ADAMTSL3: variants seen among roughly 807,000 people sequenced by gnomAD.
ADAMTSL3 encodes ADAMTS like 3.
ADAMTSL3 carries 128 observed loss-of-function variants against 201.7 expected under a neutral mutation model. The observed-to-expected ratio is 0.63, with a 90% CI of 0.55 to 0.73. The LOEUF (loss-of-function observed/expected upper bound fraction) is 0.73, where lower values mean the gene tolerates loss of function less well. ADAMTSL3 is among the 30% of genes least tolerant of loss of function. ADAMTSL3 has a pLI of 0.00. For missense variants in ADAMTSL3, 1,990 were observed against 2,119.6 expected (o/e 0.94, Z 1.20); for synonymous variants, 738 against 748.4 (o/e 0.99, Z 0.23).
intron 4 of ADAMTSL3, among the ~76,000 whole-genome samples, chr15:83,789,424 G>A (rs751952528): frequency 3.3e-5 from 5 of 150,414 alleles, no homozygotes; most frequent in South Asian, 4.2e-4. Flanking sequence ...CCAAATTGCT[G>A]TTTTCTTTTA....
At chr15:83,692,350 A>G (rs1596034968) in intron 2 of ADAMTSL3, among the ~76,000 whole-genome samples, 1 of 151,882 alleles carries the variant, frequency 6.6e-6, no homozygotes, top group Non-Finnish European at 1.5e-5. Context: ...GAACAAAGAC[A>G]CCCTGACTCT....
chr15:83,695,812 G>C (rs1327486491), intron 2 of ADAMTSL3, among the ~76,000 whole-genome samples: 1 of 152,088 alleles, frequency 6.6e-6, no homozygotes, highest in Admixed American at 6.6e-5. Context: ...ACTTAAGACT[G>C]AAAAGTCTCA....
intron 7 of ADAMTSL3, among the ~76,000 whole-genome samples, chr15:83,839,605 C>G (rs868863266): frequency 6.6e-6 from 1 of 152,228 alleles, no homozygotes; most frequent in Middle Eastern, 3.4e-3. Flanking sequence ...AAGTGTCTTT[C>G]AAGCTATTCA....
rs1305905495 is a variant in ADAMTSL3, at chr15:83,801,676, ATATATATATATATATATATG to A, written c.318-2970_318-2951del. On this transcript the variant is annotated intron_variant, in intron 4 of 29. Transcript: ENST00000286744. ...AATATATATATATATATATATATAT[ATATATATATATATATATATG>A]TATGTATGAGGAAATCATAGATGGA... Among the ~76,000 whole-genome samples the A allele has an allele frequency of 7.8e-5, 6 of 77,092 alleles. 1 individual carries two copies. Among genetic ancestry groups the A allele is most frequent in the Admixed American group, 2.9e-4 (2 of 6,888 alleles). 50.6% of individuals were successfully genotyped at this position (77,092 alleles called of 152,430 possible). A position where few individuals can be genotyped will look rare whatever the true frequency, so the allele number is the denominator to read the frequency against.
chr15:83,760,594 C>T (rs1247317261), intron 3 of ADAMTSL3, among the ~76,000 whole-genome samples: 1 of 151,968 alleles, frequency 6.6e-6, no homozygotes, highest in East Asian at 1.9e-4. Flanking sequence ...GTTAAAACCT[C>T]CCACCATCAT....
At chr15:83,809,869 T>C (rs531419417) in intron 5 of ADAMTSL3, among the ~76,000 whole-genome samples, 32 of 152,284 alleles carry the variant, frequency 2.1e-4, no homozygotes, top group Middle Eastern at 3.4e-3. Context: ...TCTGTCTTTC[T>C]CCCTTCTCTG....
Position 83,983,179 on chromosome 15 carries a change from A to G in ADAMTSL3, c.3551A>G (p.Gln1184Arg). 2 of 1,613,868 alleles carry G rather than the reference A, an allele frequency of 1.2e-6. No homozygotes were observed. Among genetic ancestry groups the G allele is most frequent in the Non-Finnish European group, 1.7e-6 (2 of 1,179,976 alleles). ...GGACCTGTTCTCATGAGGCAAAGCC[A>G]ACCTCCCTCAATTTCATTTAATAAA... is the stretch of plus-strand genomic sequence containing the variant. ...PKGPVLMRQSQPPSISFNKTI... is the reference protein window; with the variant it reads ...PKGPVLMRQSRPPSISFNKTI... Residue 1184 changes from glutamine (Q) to arginine (R), a missense_variant, in exon 21 of 30, where the codon CAA becomes CGA. Physicochemically the swap from Gln to Arg is conservative, Grantham distance 43. Coordinates refer to ENST00000286744, the MANE Select transcript of ADAMTSL3 (RefSeq NM_207517.3).
rs1485545857 is a variant in ADAMTSL3, at chr15:84,021,586, C to T, written c.4450C>T (p.Pro1484Ser). 1.2e-6 allele frequency: 2 copies of T among 1,613,460 alleles called. No homozygotes were observed. Among genetic ancestry groups the T allele is most frequent in the East Asian group, 4.5e-5 (2 of 44,880 alleles). The change falls in exon 26 of 30, where the codon CCA becomes TCA. Residue 1484 changes from proline to serine, a missense_variant. Transcript: ENST00000286744. Reference protein sequence around the residue: ...GFEPCNIRDCPARWFTSVWSQ... With the variant: ...GFEPCNIRDCSARWFTSVWSQ... ...TGAGCCCTGTAACATCCGGGACTGC[C>T]CAGCGAGGTAAGTGAAGTCACTCTT... is the stretch of plus-strand genomic sequence containing the variant.
intron 14 of ADAMTSL3, among the ~76,000 whole-genome samples, chr15:83,898,573 C>T (rs190987343): frequency 9.3e-4 from 142 of 152,100 alleles, no homozygotes; most frequent in Non-Finnish European, 1.9e-3. Context: ...CATTTATAAT[C>T]TCTCCAGTAG....
At chr15:83,991,337 A>G in intron 23 of ADAMTSL3, 123 bp downstream of exon 23, 1 of 1,434,646 alleles carries the variant, frequency 7.0e-7, no homozygotes, top group Non-Finnish European at 9.5e-7. Context: ...AGGCTTAAAA[A>G]AAAGATTTTC....
At chr15:83,742,885 A>G (rs1277052573) in intron 3 of ADAMTSL3, among the ~76,000 whole-genome samples, 2 of 152,136 alleles carry the variant, frequency 1.3e-5, no homozygotes, top group East Asian at 1.9e-4. Context: ...AACACTGTCT[A>G]TATATTATAA....
At chr15:83,918,605 A>G (rs1233592897) in intron 16 of ADAMTSL3, among the ~76,000 whole-genome samples, 1 of 152,166 alleles carries the variant, frequency 6.6e-6, no homozygotes. Context: ...CAGGAATGGA[A>G]GAAGCCAGGC....
chr15:83,990,967 G>A (rs1358491201), intron 22 of ADAMTSL3, 119 bp from the exon 23 acceptor site: 2 of 1,439,186 alleles, frequency 1.4e-6, no homozygotes, highest in Non-Finnish European at 1.9e-6. Context: ...GGGATACAGA[G>A]AGAACCAGGA....
At chr15:83,735,590 G>GA (rs2062357511) in intron 3 of ADAMTSL3, among the ~76,000 whole-genome samples, 1 of 151,876 alleles carries the variant, frequency 6.6e-6, no homozygotes, top group Non-Finnish European at 1.5e-5. Context: ...CATCTTGGGG[G>GA]ATCAGTGGGT....
intron 15 of ADAMTSL3, 98 bp downstream of exon 15, chr15:83,899,829 A>G: frequency 6.9e-7 from 1 of 1,439,338 alleles, no homozygotes; most frequent in Non-Finnish European, 9.3e-7. Context: ...TACATTTAAT[A>G]TCCAAATGAC....
intron 8 of ADAMTSL3, among the ~76,000 whole-genome samples, chr15:83,860,518 A>G (rs1248810819): frequency 6.6e-6 from 1 of 152,216 alleles, no homozygotes; most frequent in East Asian, 1.9e-4. Flanking sequence ...TATGGCATGC[A>G]AAGTATATAT....
intron 15 of ADAMTSL3, among the ~76,000 whole-genome samples, chr15:83,909,408 C>T (rs534333545): frequency 5.9e-5 from 9 of 152,192 alleles, no homozygotes; most frequent in Non-Finnish European, 7.4e-5. Context: ...ATTTCAGTCA[C>T]TTTTTTCATA....
At chr15:83,806,857 A>T (rs1461383091) in intron 5 of ADAMTSL3, among the ~76,000 whole-genome samples, 3 of 152,094 alleles carry the variant, frequency 2.0e-5, no homozygotes, top group Non-Finnish European at 4.4e-5. Flanking sequence ...CATCTCAAAC[A>T]AGCAAGCAAA....
chr15:83,713,654 G>C (rs1355809291), intron 3 of ADAMTSL3, among the ~76,000 whole-genome samples: 2 of 152,176 alleles, frequency 1.3e-5, no homozygotes, highest in Non-Finnish European at 1.5e-5. Flanking sequence ...GGCCAGCAAA[G>C]AAGGGCCATG....
Sources: allele counts gnomAD v4.1 joint callset (sites outside exome capture counted in the v4.1 genomes callset), GRCh38; gene constraint gnomAD v4.1.1; transcripts MANE v1.5; gene names NCBI Gene and HGNC (gene_info 2026-07-23, HGNC 2026-07-21).